The following RAD9B variants were observed in gnomAD, a reference collection of about 807,000 sequenced individuals.
RAD9B encodes the protein cell cycle checkpoint control protein RAD9B.
A neutral mutation model predicts 48.3 loss-of-function variants in RAD9B; 41 were observed. That is an observed-to-expected ratio of 0.85 (90% CI 0.66 to 1.10). RAD9B has a LOEUF of 1.10. Among genes scored for constraint, RAD9B ranks in the 50% least tolerant of loss-of-function variants. RAD9B has a pLI of 0.00. For missense variants in RAD9B, 444 were observed against 485.1 expected, an observed-to-expected ratio of 0.92 and a Z score of 0.80; for synonymous variants, 160 against 157.9, an observed-to-expected ratio of 1.01 and a Z score of -0.10.
intron 10 of RAD9B, among the ~76,000 whole-genome samples, chr12:110,529,913 C>T (rs570383475): frequency 1.6e-4 from 25 of 152,260 alleles, no homozygotes; most frequent in Middle Eastern, 3.4e-3. Context: ...CAGTGGCTTA[C>T]GGAGGCTTCG....
At position 110,518,704 on chromosome 12, in the gene RAD9B, G is replaced by A; in HGVS notation, c.624G>A (p.Met208Ile). 6.2e-7 allele frequency: 1 copy of A among 1,609,686 alleles called. No individual in the cohort carries two copies. Among genetic ancestry groups the A allele is most frequent in the Non-Finnish European group, 8.5e-7 (1 of 1,177,008 alleles). Residue 208 changes from methionine (M) to isoleucine (I), a missense_variant, in exon 7 of 11, where the codon ATG (methionine) becomes ATA (isoleucine). By Grantham distance (10) the Met-to-Ile change is conservative. Coordinates refer to ENST00000409300, the MANE Select transcript of RAD9B (RefSeq NM_001286535.2). The part of the protein sequence containing the change: ...MDLSNAVHSE[M>I]FVGSDEFDFF... ...TGAGCAATGCTGTACACAGTGAGATGTTTGTTGGCTCAGATGAGTTTGACT... is the reference window on the plus strand; with the variant it reads ...TGAGCAATGCTGTACACAGTGAGATATTTGTTGGCTCAGATGAGTTTGACT...
intron 9 of RAD9B, among the ~76,000 whole-genome samples, chr12:110,520,629 TTTTTTTTTTTTTTTTTTGTTG>T (rs2063753009): frequency 1.9e-3 from 13 of 6,950 alleles, no homozygotes; most frequent in Admixed American, 9.2e-3. Context: ...TCTTGCTTTC[TTTTTTTTTTTTTTTTTTGTTG>T]TTTTTTTTTT....
chr12:110,504,707 A>C (rs2063208880), intron 2 of RAD9B, among the ~76,000 whole-genome samples: 1 of 152,044 alleles, frequency 6.6e-6, no homozygotes, highest in African/African-American at 2.4e-5. Flanking sequence ...ATTAAGGTTA[A>C]GGCTCATGAC....
intron 4 of RAD9B, among the ~76,000 whole-genome samples, chr12:110,511,012 G>T (rs1313377476): frequency 1.3e-5 from 2 of 151,982 alleles, no homozygotes; most frequent in East Asian, 3.9e-4. Context: ...GGAGAGAAAA[G>T]AAAAGAAAAG....
rs752050172 is a variant in RAD9B, at chr12:110,518,744, A to C, written c.664A>C (p.Met222Leu). 3.7e-6 allele frequency: 6 copies of C among 1,610,982 alleles called. No individual in the cohort carries two copies. In the Admixed American group the frequency reaches 1.0e-4, roughly 27 times the overall value. ...SDEFDFFQIGMDTEITFCFKE... is the reference protein window; with the variant it reads ...SDEFDFFQIGLDTEITFCFKE... ...TGAGTTTGACTTCTTTCAAATTGGA[A>C]TGGACACTGAGATAACATTTTGTTT... The change falls in exon 7 of 11, where the codon ATG (methionine) becomes CTG (leucine). Residue 222 changes from methionine (M) to leucine (L), a missense_variant. Physicochemically the swap from Met to Leu is conservative, Grantham distance 15. Coordinates refer to ENST00000409300, the MANE Select transcript of RAD9B (RefSeq NM_001286535.2).
chr12:110,531,306 C>T lies in RAD9B; in HGVS notation c.*653C>T, dbSNP rs934501359. 2.8e-5 allele frequency: 12 copies of T among 427,700 alleles called. No homozygotes were observed. Among genetic ancestry groups the T allele is most frequent in the African/African-American group, 2.4e-4 (11 of 46,144 alleles). The allele number at this position is 427,700 out of a possible 1,614,324, so 26.5% of individuals were successfully genotyped here. On this transcript the variant is annotated 3_prime_UTR_variant, in exon 11 of 11. Transcript: ENST00000409300. Reference sequence around the variant, plus strand: ...CTCCCAGGTCCAAGCGATTCTCCTGCCTCAGCCTCCCGTGCAGCTGGGATT... The same window carrying T: ...CTCCCAGGTCCAAGCGATTCTCCTGTCTCAGCCTCCCGTGCAGCTGGGATT...
chr12:110,518,997 C>A (rs547531415), intron 8 of RAD9B, 59 bp downstream of exon 8: 2 of 1,142,280 alleles, frequency 1.8e-6, no homozygotes, highest in Non-Finnish European at 2.5e-6. Context: ...ATAACAAAAC[C>A]TTTTGGATCA....
chr12:110,520,187 T>C (rs1002448422), intron 9 of RAD9B, among the ~76,000 whole-genome samples: 3 of 149,740 alleles, frequency 2.0e-5, no homozygotes, highest in Non-Finnish European at 4.4e-5. Flanking sequence ...AATTCCAATT[T>C]TTAGTTTTTG....
At chr12:110,526,920 A>G (rs1043525041) in intron 10 of RAD9B, among the ~76,000 whole-genome samples, 3 of 152,058 alleles carry the variant, frequency 2.0e-5, no homozygotes, top group Admixed American at 6.5e-5. Flanking sequence ...AAAAAAAAAA[A>G]AAAAGAAAAG....
chr12:110,522,211 G>GT lies in RAD9B; in HGVS notation c.926dup (p.Thr310AsnfsTer20). On this transcript the variant is annotated frameshift_variant, in exon 10 of 11. Transcript: ENST00000409300. LOFTEE classifies it high-confidence loss of function. Reference sequence around the variant, plus strand: ...GATTGAAAAAAAGGCTGGCAAAAATGTAACTGGCCAGGCCCTGGAATGTAT... The same window carrying GT: ...GATTGAAAAAAAGGCTGGCAAAAATGTTAACTGGCCAGGCCCTGGAATGTAT... 6.3e-7 allele frequency: 1 copy of GT among 1,599,106 alleles called. No individual in the cohort carries two copies. The highest frequency in any genetic ancestry group is 8.5e-7 in the Non-Finnish European group (1 of 1,172,860).
chr12:110,531,368 A>AT lies in RAD9B; in HGVS notation c.*719dup. On this transcript the variant is annotated 3_prime_UTR_variant, in exon 11 of 11. Coordinates refer to ENST00000409300, the MANE Select transcript of RAD9B (RefSeq NM_001286535.2). Reference sequence around the variant, plus strand: ...CCACCATGCCTGGCTAATTTCTGGTATTTTGTAGAGACAGGGTTTCGCCAT... The same window carrying AT: ...CCACCATGCCTGGCTAATTTCTGGTATTTTTGTAGAGACAGGGTTTCGCCAT... The AT allele has an allele frequency of 2.3e-6, 1 of 435,882 alleles. No homozygotes were observed. Among genetic ancestry groups the AT allele is most frequent in the Non-Finnish European group, 4.0e-6 (1 of 251,868 alleles). 27.0% of individuals were successfully genotyped at this position (435,882 alleles called of 1,614,324 possible).
At chr12:110,527,257 C>G (rs887319637) in intron 10 of RAD9B, among the ~76,000 whole-genome samples, 2 of 152,204 alleles carry the variant, frequency 1.3e-5, no homozygotes, top group Non-Finnish European at 2.9e-5. Flanking sequence ...CTTAAGTCTT[C>G]TGTCTCCCTC....
At chr12:110,508,701 A>G (rs1462510629) in intron 4 of RAD9B, among the ~76,000 whole-genome samples, 1 of 152,128 alleles carries the variant, frequency 6.6e-6, no homozygotes, top group Non-Finnish European at 1.5e-5. Context: ...GGCTCAAGCA[A>G]TTCTCCTGCC....
chr12:110,512,179 C>T (rs767116381), intron 4 of RAD9B, among the ~76,000 whole-genome samples: 201 of 133,302 alleles, frequency 1.5e-3, no homozygotes, highest in Non-Finnish European at 2.8e-3. Context: ...CAGAGTCTCA[C>T]TCTGTCACCC....
At chr12:110,515,219 C>T (rs1354753846) in intron 6 of RAD9B, 63 bp downstream of exon 6, 4 of 808,482 alleles carry the variant, frequency 4.9e-6, no homozygotes, top group Non-Finnish European at 8.2e-6. Context: ...CGATTACTAA[C>T]CATACTGCAA....
At chr12:110,522,855 A>G (rs2135720703) in intron 10 of RAD9B, among the ~76,000 whole-genome samples, 1 of 152,360 alleles carries the variant, frequency 6.6e-6, no homozygotes, top group Non-Finnish European at 1.5e-5. Flanking sequence ...CATCCCAACA[A>G]ATATCACAAA....
chr12:110,510,764 G>A lies in RAD9B; in HGVS notation c.389-2015G>A, dbSNP rs147461984. ...TCTAAAAGGACAATAATTCAGCCTC[G>A]GCAACATGGAGAAACCTTGTCTCTA... On this transcript the variant is annotated intron_variant, in intron 4 of 10. Transcript: ENST00000409300. 2.3e-4 allele frequency among the ~76,000 whole-genome samples: 35 copies of A among 152,178 alleles called. No individual in the cohort carries two copies. In the East Asian group the frequency reaches 5.0e-3, roughly 22 times the overall value.
Position 110,530,678 on chromosome 12 carries a change from C to T in RAD9B, c.*25C>T. On this transcript the variant is annotated 3_prime_UTR_variant, in exon 11 of 11. Coordinates refer to ENST00000409300, the MANE Select transcript of RAD9B (RefSeq NM_001286535.2). ...ATGCTTAATGATGGCTGAGCTGGGC[C>T]CCAGCCCAGTGACTGGCTCATTTGC... The T allele has an allele frequency of 6.2e-7, 1 of 1,612,478 alleles. No individual in the cohort carries two copies. Among genetic ancestry groups the T allele is most frequent in the Non-Finnish European group, 8.5e-7 (1 of 1,179,032 alleles).
chr12:110,505,137 A>G (rs1387843738), intron 2 of RAD9B, among the ~76,000 whole-genome samples: 2 of 152,150 alleles, frequency 1.3e-5, no homozygotes, highest in Non-Finnish European at 2.9e-5. Flanking sequence ...ATACACCTAT[A>G]TATACGTACA....
Sources: gnomAD v4.1 joint callset for allele counts (sites outside exome capture counted in the v4.1 genomes callset) on GRCh38, gnomAD v4.1.1 for gene constraint, MANE v1.5 for transcripts, NCBI Gene and HGNC (gene_info 2026-07-23, HGNC 2026-07-21) for gene names.